CORO1C: variants seen among roughly 807,000 people sequenced by gnomAD.
CORO1C encodes the protein coronin 1C.
A neutral mutation model predicts 51.2 loss-of-function variants in CORO1C; 14 were observed. That is an observed-to-expected ratio of 0.27 (90% CI 0.18 to 0.43). The LOEUF (loss-of-function observed/expected upper bound fraction) is 0.43. CORO1C is among the 20% of genes least tolerant of loss of function. The probability of loss-of-function intolerance (pLI) is 1.00; values close to 1 mark genes in which losing one functional copy is unlikely to be tolerated. For synonymous variants in CORO1C, 181 were observed against 210.5 expected (o/e 0.86, Z 1.21); for missense variants, 417 against 607.8 (o/e 0.69, Z 3.30).
At chr12:108,704,249 G>C (rs748312122) in intron 1 of CORO1C, among the ~76,000 whole-genome samples, 3 of 152,076 alleles carry the variant, frequency 2.0e-5, no homozygotes, top group Admixed American at 1.3e-4. Flanking sequence ...AAGCTGAGAC[G>C]GATCACGAGG....
At chr12:108,679,997 C>G (rs1220873210) in intron 2 of CORO1C, among the ~76,000 whole-genome samples, 4 of 152,116 alleles carry the variant, frequency 2.6e-5, no homozygotes, top group African/African-American at 9.7e-5. Context: ...ATAAAATATC[C>G]AATAAAAGCT....
chr12:108,725,342 C>G (rs1348920701), intron 1 of CORO1C, among the ~76,000 whole-genome samples: 1 of 152,194 alleles, frequency 6.6e-6, no homozygotes, highest in East Asian at 1.9e-4. Context: ...CATTCATTAA[C>G]AGACATTTAA....
rs762661973 is a variant in CORO1C at position 108,647,377 on chromosome 12, T to C, written c.*26A>G. 2.5e-6 allele frequency: 4 copies of C among 1,607,642 alleles called. No homozygotes were observed. The highest frequency in any genetic ancestry group is 2.2e-5 in the South Asian group (2 of 89,640). On this transcript the variant is annotated 3_prime_UTR_variant, in exon 11 of 11. Transcript: ENST00000261401. ...CAAGCACAAGTTCTTGCTCCCATTTTTTCTGTAGGGGTGGGGGTGGGACCT... is the reference window on the plus strand; with the variant it reads ...CAAGCACAAGTTCTTGCTCCCATTTCTTCTGTAGGGGTGGGGGTGGGACCT...
intron 7 of CORO1C, 60 bp from the exon 8 acceptor site, chr12:108,652,477 G>C: frequency 2.1e-6 from 3 of 1,432,104 alleles, no homozygotes; most frequent in Non-Finnish European, 2.9e-6. Flanking sequence ...TGGATTATGG[G>C]GGTGTCTCTC....
At chr12:108,718,530 A>G (rs1359646405) in intron 1 of CORO1C, among the ~76,000 whole-genome samples, 1 of 152,186 alleles carries the variant, frequency 6.6e-6, no homozygotes, top group Non-Finnish European at 1.5e-5. Flanking sequence ...CAACAGAGCA[A>G]GACTCCACCT....
chr12:108,702,170 G>C (rs2034892420), intron 1 of CORO1C, among the ~76,000 whole-genome samples: 2 of 152,230 alleles, frequency 1.3e-5, no homozygotes, highest in Admixed American at 1.3e-4. Context: ...CTCAAAGCCA[G>C]GTACTGGGCT....
At chr12:108,726,630 T>A (rs1181321715) in intron 1 of CORO1C, among the ~76,000 whole-genome samples, 1 of 146,428 alleles carries the variant, frequency 6.8e-6, no homozygotes, top group East Asian at 2.0e-4. Context: ...TACAACATAG[T>A]GAGACCCCAT....
chr12:108,689,888 G>A (rs2034437577), intron 2 of CORO1C, among the ~76,000 whole-genome samples: 1 of 152,172 alleles, frequency 6.6e-6, no homozygotes, highest in Non-Finnish European at 1.5e-5. Flanking sequence ...AGTCACACAT[G>A]TGCTCAGAAG....
At chr12:108,713,726 C>T (rs1214520635) in intron 1 of CORO1C, among the ~76,000 whole-genome samples, 1 of 152,172 alleles carries the variant, frequency 6.6e-6, no homozygotes, top group Non-Finnish European at 1.5e-5. Context: ...CTACAAAGTA[C>T]GGAGCAGTTC....
chr12:108,665,888 C>T (rs1489664338), intron 3 of CORO1C, among the ~76,000 whole-genome samples: 1 of 152,212 alleles, frequency 6.6e-6, no homozygotes, highest in African/African-American at 2.4e-5. Flanking sequence ...AATATTGAAC[C>T]TGCCTTCTGT....
intron 2 of CORO1C, among the ~76,000 whole-genome samples, chr12:108,679,062 G>A (rs2034019793): frequency 8.4e-6 from 1 of 118,596 alleles, no homozygotes. Context: ...AGTGAGCCGA[G>A]ATCGTGCCAC....
chr12:108,720,121 C>T (rs568890456), intron 1 of CORO1C, among the ~76,000 whole-genome samples: 1 of 151,940 alleles, frequency 6.6e-6, no homozygotes, highest in East Asian at 1.9e-4. Context: ...GGGAGGGCGA[C>T]GCTGCATTGA....
At chr12:108,654,480 C>T (rs1278376752) in intron 6 of CORO1C, 70 bp from the exon 7 acceptor site, 4 of 840,016 alleles carry the variant, frequency 4.8e-6, no homozygotes, top group East Asian at 5.5e-5. Flanking sequence ...TTTTTATAAC[C>T]TTATTATATA....
chr12:108,650,866 A>G (rs948730270), intron 8 of CORO1C, among the ~76,000 whole-genome samples: 6 of 152,250 alleles, frequency 3.9e-5, no homozygotes, highest in Non-Finnish European at 8.8e-5. Context: ...TATTTTGATT[A>G]GTTTGGTTTA....
chr12:108,722,900 G>T (rs2035506502), intron 1 of CORO1C, among the ~76,000 whole-genome samples: 1 of 152,184 alleles, frequency 6.6e-6, no homozygotes, highest in Non-Finnish European at 1.5e-5. Flanking sequence ...GATCAAACTA[G>T]CAGTCTTAGG....
intron 6 of CORO1C, among the ~76,000 whole-genome samples, chr12:108,655,071 T>C (rs1592848243): frequency 7.6e-6 from 1 of 131,012 alleles, no homozygotes; most frequent in African/African-American, 2.9e-5. Context: ...TTGAAAGATA[T>C]AAAAAAGAAC....
chr12:108,692,893 G>C (rs924476476), intron 2 of CORO1C, among the ~76,000 whole-genome samples: 9 of 144,068 alleles, frequency 6.2e-5, no homozygotes, highest in African/African-American at 2.3e-4. Flanking sequence ...TGCCTCCTGT[G>C]TTCAAGCCAT....
intron 3 of CORO1C, among the ~76,000 whole-genome samples, chr12:108,677,366 A>T (rs2033944987): frequency 6.6e-6 from 1 of 152,174 alleles, no homozygotes. Flanking sequence ...CACATAACCT[A>T]CTTTTGGAAA....
At chr12:108,655,694 C>G (rs1231192666) in intron 6 of CORO1C, among the ~76,000 whole-genome samples, 2 of 152,236 alleles carry the variant, frequency 1.3e-5, no homozygotes, top group African/African-American at 4.8e-5. Flanking sequence ...CAATGTTGCC[C>G]GGGCTGGAGT....
Sources: allele counts gnomAD v4.1 joint callset (sites outside exome capture counted in the v4.1 genomes callset), GRCh38; gene constraint gnomAD v4.1.1; transcripts MANE v1.5; gene names NCBI Gene and HGNC (gene_info 2026-07-23, HGNC 2026-07-21).